The following CHST8 variants were observed in gnomAD, a reference collection of about 807,000 sequenced individuals.
CHST8 encodes the protein GALNAC-4-ST1.
Under a neutral mutation model 15.0 loss-of-function variants are expected in CHST8, and 10 were observed. The ratio of observed to expected loss-of-function variants is 0.67; its 90% CI spans 0.41 to 1.13. The LOEUF is 1.13. CHST8 is among the 50% of genes most tolerant of loss of function. CHST8 has a pLI of 0.00. For synonymous variants in CHST8, 259 were observed against 256.6 expected, an observed-to-expected ratio of 1.01 and a Z score of -0.09; for missense variants, 634 against 608.2, an observed-to-expected ratio of 1.04 and a Z score of -0.45.
At chr19:33,682,407 T>C (rs1038687394) in intron 2 of CHST8, among the ~76,000 whole-genome samples, 2 of 151,366 alleles carry the variant, frequency 1.3e-5, no homozygotes, top group Admixed American at 1.3e-4. Context: ...ACTCCTGACC[T>C]CTAGTGATGC....
At chr19:33,706,859 T>C (rs1973457138) in intron 3 of CHST8, among the ~76,000 whole-genome samples, 1 of 152,204 alleles carries the variant, frequency 6.6e-6, no homozygotes, top group South Asian at 2.1e-4. Context: ...GCCTCGTCCC[T>C]TCACTGGGGA....
At chr19:33,752,971 T>A (rs1974449761) in intron 3 of CHST8, among the ~76,000 whole-genome samples, 2 of 152,196 alleles carry the variant, frequency 1.3e-5, no homozygotes, top group African/African-American at 4.8e-5. Flanking sequence ...AAAGGCTTTG[T>A]CTTCTGACAT....
Position 33,757,116 on chromosome 19 carries a change from G to A in CHST8, c.131-14297G>A, listed in dbSNP as rs906057322. The stretch of plus-strand genomic sequence containing the variant: ...GAAGAGCTGGCCATTCAGGATGGGC[G>A]CAGTGGCTCATGCCTGTAATCCCAG... On this transcript the variant is annotated intron_variant, in intron 3 of 4. Transcript: ENST00000650847. Among the ~76,000 whole-genome samples, 13 of 152,098 alleles carry A rather than the reference G, an allele frequency of 8.5e-5. 1 individual carries two copies. Among genetic ancestry groups the A allele is most frequent in the Admixed American group, 5.2e-4 (8 of 15,284 alleles).
rs1476800359 is a variant in CHST8 at position 33,773,320 on chromosome 19, G to A, written c.*257G>A. 3.8e-6 allele frequency: 2 copies of A among 520,262 alleles called. No individual in the cohort carries two copies. The highest frequency in any genetic ancestry group is 3.2e-5 in the East Asian group (1 of 31,488). The allele number at this position is 520,262 out of a possible 1,614,324, so 32.2% of individuals were successfully genotyped here. ...TGAGAACTGGGCAGACACCCCTGGA[G>A]CTCAGCCGACAGTTTTGATGAGCAG... On this transcript the variant is annotated 3_prime_UTR_variant, in exon 5 of 5. Transcript: ENST00000650847.
chr19:33,660,222 C>T (rs1317251685), intron 1 of CHST8, among the ~76,000 whole-genome samples: 1 of 152,166 alleles, frequency 6.6e-6, no homozygotes, highest in Non-Finnish European at 1.5e-5. Context: ...GCCATTTGTA[C>T]CATCTCTTAG....
rs1376784362 is a variant in CHST8 at position 33,757,512 on chromosome 19, A to C, written c.131-13901A>C. ...AAAGAAAGAAAGAAAGAAAGAAAGA[A>C]AGAAAGAAAGAGAAAGAAAGAAAGA... On this transcript the variant is annotated intron_variant, in intron 3 of 4. Coordinates refer to ENST00000650847, the MANE Select transcript of CHST8 (RefSeq NM_001127895.2). Among the ~76,000 whole-genome samples the C allele has an allele frequency of 4.6e-5, 2 of 43,034 alleles. 1 individual carries two copies. The highest frequency in any genetic ancestry group is 9.5e-4 in the East Asian group (2 of 2,110). The allele number at this position is 43,034 out of a possible 152,430, so 28.2% of individuals were successfully genotyped here. A position where few individuals can be genotyped will look rare whatever the true frequency, so the allele number is the denominator to read the frequency against.
At chr19:33,740,468 G>C (rs77586125) in intron 3 of CHST8, among the ~76,000 whole-genome samples, 3,196 of 152,330 alleles carry the variant, frequency 0.021, 55 homozygotes, top group Non-Finnish European at 0.027. Context: ...GACAAAGACA[G>C]CTTGCTGGAC....
At chr19:33,735,264 G>A (rs78168910) in intron 3 of CHST8, among the ~76,000 whole-genome samples, 2 of 152,194 alleles carry the variant, frequency 1.3e-5, no homozygotes, top group Non-Finnish European at 1.5e-5. Flanking sequence ...GGGGAGGGAG[G>A]GGGTACTTGG....
chr19:33,756,104 G>A (rs536466015), intron 3 of CHST8, among the ~76,000 whole-genome samples: 11 of 152,324 alleles, frequency 7.2e-5, no homozygotes, highest in Non-Finnish European at 1.5e-4. Context: ...AGCGAAGAAC[G>A]GGAAGGGGGT....
chr19:33,733,516 T>C (rs1021544327), intron 3 of CHST8, among the ~76,000 whole-genome samples: 5 of 152,192 alleles, frequency 3.3e-5, no homozygotes, highest in African/African-American at 9.7e-5. Flanking sequence ...ATTACAGGCG[T>C]GAGCCACAGT....
chr19:33,680,589 T>C (rs768919600), intron 2 of CHST8, among the ~76,000 whole-genome samples: 3 of 152,230 alleles, frequency 2.0e-5, no homozygotes, highest in Non-Finnish European at 4.4e-5. Context: ...ATAAAAGAGC[T>C]GGAAATATGT....
At position 33,694,129 on chromosome 19, in the gene CHST8, T is replaced by TATATAA. The variant is rs1464174137; in HGVS notation, c.130+4739_130+4740insTATAAA. Reference sequence around the variant, plus strand: ...ATATATATATATATATATATATATATAAATGCAATGTTACCATACAGATTC... The same window carrying TATATAA: ...ATATATATATATATATATATATATATATATAAAAATGCAATGTTACCATACAGATTC... On this transcript the variant is annotated intron_variant, in intron 3 of 4. Transcript: ENST00000650847. Among the ~76,000 whole-genome samples, 3 of 95,014 alleles carry TATATAA rather than the reference T, an allele frequency of 3.2e-5. 1 individual carries two copies. Among genetic ancestry groups the TATATAA allele is most frequent in the Non-Finnish European group, 6.4e-5 (3 of 46,514 alleles). The allele number at this position is 95,014 out of a possible 152,430, so 62.3% of individuals were successfully genotyped here.
intron 2 of CHST8, among the ~76,000 whole-genome samples, chr19:33,670,217 A>G (rs1220143344): frequency 6.6e-6 from 1 of 152,200 alleles, no homozygotes; most frequent in Non-Finnish European, 1.5e-5. Context: ...CAAAACCCCA[A>G]TGCATTGAGT....
chr19:33,745,940 C>T (rs575467656), intron 3 of CHST8, among the ~76,000 whole-genome samples: 147 of 152,336 alleles, frequency 9.6e-4, no homozygotes, highest in Middle Eastern at 3.4e-3. Flanking sequence ...TGTCCTGGCT[C>T]CTCCATTCCA....
intron 3 of CHST8, among the ~76,000 whole-genome samples, chr19:33,754,574 C>T (rs1017801264): frequency 4.6e-5 from 7 of 152,204 alleles, no homozygotes; most frequent in African/African-American, 1.2e-4. Flanking sequence ...CTCTCCCAGA[C>T]GTCCAACCAG....
At chr19:33,635,900 C>T (rs567413111) in intron 1 of CHST8, among the ~76,000 whole-genome samples, 1 of 152,134 alleles carries the variant, frequency 6.6e-6, no homozygotes, top group African/African-American at 2.4e-5. Context: ...AGCCAACTAC[C>T]GTTTGCTTTA....
At chr19:33,629,962 T>G (rs1303608431) in intron 1 of CHST8, among the ~76,000 whole-genome samples, 1 of 152,244 alleles carries the variant, frequency 6.6e-6, no homozygotes, top group Admixed American at 6.5e-5. Context: ...AGTGGGAAGC[T>G]GACACAGGAG....
chr19:33,635,671 G>T (rs1489237666), intron 1 of CHST8, among the ~76,000 whole-genome samples: 2 of 152,090 alleles, frequency 1.3e-5, no homozygotes, highest in Non-Finnish European at 2.9e-5. Flanking sequence ...GGCCAGCAGT[G>T]GAAAAAATGC....
At chr19:33,717,982 C>G (rs1973693864) in intron 3 of CHST8, among the ~76,000 whole-genome samples, 2 of 152,156 alleles carry the variant, frequency 1.3e-5, no homozygotes, top group African/African-American at 4.8e-5. Context: ...ACCAAACGGA[C>G]TTGCAGTCTC....
Sources: gnomAD v4.1 joint callset for allele counts (sites outside exome capture counted in the v4.1 genomes callset) on GRCh38, gnomAD v4.1.1 for gene constraint, MANE v1.5 for transcripts, NCBI Gene and HGNC (gene_info 2026-07-23, HGNC 2026-07-21) for gene names.